Variants in BMP2 observed in about 807,000 individuals in gnomAD.
BMP2 encodes bone morphogenetic protein 2, also known as bone morphogenetic protein 2A.
A neutral mutation model predicts 28.8 loss-of-function variants in BMP2; 2 were observed. That is an observed-to-expected ratio of 0.07 (90% confidence interval 0.03 to 0.22). BMP2 has a LOEUF of 0.22. Ranked by LOEUF, BMP2 falls within the 10% of genes least tolerant of loss-of-function variation. The pLI, the probability that BMP2 is intolerant of heterozygous loss-of-function variation, is 1.00. For missense variants in BMP2, 437 were observed against 517.7 expected, an observed-to-expected ratio of 0.84 and a Z score of 1.51; for synonymous variants, 218 against 204.3, an observed-to-expected ratio of 1.07 and a Z score of -0.57.
intron 2 of BMP2, among the ~76,000 whole-genome samples, chr20:6,771,577 G>A (rs180976494): frequency 5.8e-4 from 88 of 152,300 alleles, no homozygotes; most frequent in African/African-American, 2.0e-3. Context: ...ATGGGAAATG[G>A]CACTTCCAGA....
chr20:6,779,110 A>AT lies in BMP2; in HGVS notation c.*21_*22insT. The AT allele has an allele frequency of 3.5e-6, 4 of 1,141,492 alleles. No individual in the cohort carries two copies. The highest frequency in any genetic ancestry group is 4.5e-6 in the Non-Finnish European group (4 of 886,588). 70.7% of individuals were successfully genotyped at this position (1,141,492 alleles called of 1,614,324 possible). On this transcript the variant is annotated 3_prime_UTR_variant, in exon 3 of 3. Transcript: ENST00000378827. ...GCTAGTACAGCAAAATTAAATACAT[A>AT]AATATATATATATATATATATTTTA...
In BMP2 at chr20:6,778,927, C is replaced by T. The variant is rs1305456703; in HGVS notation, c.1029C>T (p.Ala343=). The T allele has an allele frequency of 1.9e-6, 3 of 1,613,926 alleles. No individual in the cohort carries two copies. Among genetic ancestry groups the T allele is most frequent in the Non-Finnish European group, 2.5e-6 (3 of 1,179,998 alleles). ...ATCATCTGAACTCCACTAATCATGCCATTGTTCAGACGTTGGTCAACTCTG... is the reference window on the plus strand; with the variant it reads ...ATCATCTGAACTCCACTAATCATGCTATTGTTCAGACGTTGGTCAACTCTG... ...LADHLNSTNH[A]IVQTLVNSVN... The change falls in exon 3 of 3, where the codon GCC becomes GCT. Residue 343 remains alanine (A), a synonymous_variant. Transcript: ENST00000378827. The surrounding 1 kb of genome is among the most constrained non-coding windows in gnomAD (Gnocchi z 5.0).
intron 1 of BMP2, among the ~76,000 whole-genome samples, chr20:6,769,710 C>A (rs908676849): frequency 2.0e-5 from 3 of 150,140 alleles, no homozygotes; most frequent in Non-Finnish European, 3.0e-5. Flanking sequence ...TGTTTATATG[C>A]CAGACAGCGC....
chr20:6,770,894 G>A (rs953350605), intron 2 of BMP2, among the ~76,000 whole-genome samples: 1 of 152,198 alleles, frequency 6.6e-6, no homozygotes, highest in Admixed American at 6.5e-5. Context: ...TTAAGCCAGG[G>A]TTTTAGGGTA....
intron 2 of BMP2, among the ~76,000 whole-genome samples, chr20:6,774,932 C>T (rs779597801): frequency 1.1e-4 from 17 of 152,170 alleles, no homozygotes; most frequent in Non-Finnish European, 2.2e-4. Context: ...TAAATTAGGA[C>T]TTCACTTTTG....
Position 6,768,206 on chromosome 20 carries a change from G to C in BMP2, c.-677G>C. ...CTCGCCGGAGAATGCGCCCGAGGAC[G>C]ACGGGGCGCCAGAGCCGCGGTGCTT... On this transcript the variant is annotated 5_prime_UTR_variant, in exon 1 of 3. Coordinates refer to ENST00000378827, the MANE Select transcript of BMP2 (RefSeq NM_001200.4). 1 of 398,182 alleles carries C rather than the reference G, an allele frequency of 2.5e-6. No homozygotes were observed. Among genetic ancestry groups the C allele is most frequent in the Non-Finnish European group, 4.4e-6 (1 of 225,874 alleles). The allele number at this position is 398,182 out of a possible 1,614,324, so 24.7% of individuals were successfully genotyped here.
chr20:6,779,107 CATAA>C lies in BMP2; in HGVS notation c.*22_*25del. 8.4e-7 allele frequency: 1 copy of C among 1,193,820 alleles called. No individual in the cohort carries two copies. The highest frequency in any genetic ancestry group is 1.1e-6 in the Non-Finnish European group (1 of 913,986). 74.0% of individuals were successfully genotyped at this position (1,193,820 alleles called of 1,614,324 possible). On this transcript the variant is annotated 3_prime_UTR_variant, in exon 3 of 3. Transcript: ENST00000378827. ...GTCGCTAGTACAGCAAAATTAAATA[CATAA>C]ATATATATATATATATATATTTTAG...
chr20:6,769,164 T>A (rs946578333), intron 1 of BMP2, among the ~76,000 whole-genome samples: 5 of 152,216 alleles, frequency 3.3e-5, no homozygotes, highest in African/African-American at 7.2e-5. Flanking sequence ...TTATTTATTT[T>A]TAATTTTTTT....
chr20:6,778,385 A>C lies in BMP2; in HGVS notation c.487A>C (p.Asn163His), dbSNP rs1986544271. Residue 163 changes from asparagine to histidine, a missense_variant, in exon 3 of 3, where the codon AAC becomes CAC. Coordinates refer to ENST00000378827, the MANE Select transcript of BMP2 (RefSeq NM_001200.4). The surrounding 1 kb of genome is among the most constrained non-coding windows in gnomAD (Gnocchi z 5.0). ...FREQMQDALGNNSSFHHRINI... is the reference protein window; with the variant it reads ...FREQMQDALGHNSSFHHRINI... ...AGAACAGATGCAAGATGCTTTAGGA[A>C]ACAATAGCAGTTTCCATCACCGAAT... is the stretch of plus-strand genomic sequence containing the variant. 1 of 1,614,078 alleles carries C rather than the reference A, an allele frequency of 6.2e-7. No individual in the cohort carries two copies.
chr20:6,770,528 G>A (rs1986377400), intron 2 of BMP2, 56 bp downstream of exon 2: 3 of 1,496,986 alleles, frequency 2.0e-6, no homozygotes, highest in Non-Finnish European at 2.7e-6. Context: ...GCCCTCCACC[G>A]TGGGCAGACT....
chr20:6,778,807 G>T lies in BMP2; in HGVS notation c.909G>T (p.Val303=), dbSNP rs1285337702. 6.2e-7 allele frequency: 1 copy of T among 1,614,010 alleles called. No homozygotes were observed. The highest frequency in any genetic ancestry group is 1.3e-5 in the African/African-American group (1 of 74,910). Residue 303 remains valine (V), a synonymous_variant, in exon 3 of 3, where the codon GTG becomes GTT. Coordinates refer to ENST00000378827, the MANE Select transcript of BMP2 (RefSeq NM_001200.4). This position sits in a 1 kb window ranked among gnomAD's most constrained non-coding sequence, Gnocchi z 5.0. ...KSSCKRHPLY[V]DFSDVGWNDW... ...GCTGTAAGAGACACCCTTTGTACGT[G>T]GACTTCAGTGACGTGGGGTGGAATG...
chr20:6,777,270 G>T (rs917872957), intron 2 of BMP2, among the ~76,000 whole-genome samples: 8 of 152,072 alleles, frequency 5.3e-5, no homozygotes, highest in African/African-American at 1.9e-4. Flanking sequence ...AATGATAGTG[G>T]ATATAGAAGG....
At chr20:6,776,981 A>G (rs1423777241) in intron 2 of BMP2, among the ~76,000 whole-genome samples, 1 of 152,220 alleles carries the variant, frequency 6.6e-6, no homozygotes, top group African/African-American at 2.4e-5. Context: ...GCACTTGGGT[A>G]GGAATTCTGA....
At chr20:6,774,244 G>A (rs1037653781) in intron 2 of BMP2, among the ~76,000 whole-genome samples, 1 of 151,918 alleles carries the variant, frequency 6.6e-6, no homozygotes, top group Non-Finnish European at 1.5e-5. Flanking sequence ...TTTGGGAACT[G>A]GCTGGGCATG....
intron 2 of BMP2, among the ~76,000 whole-genome samples, chr20:6,770,711 ACTC>A (rs1357383165): frequency 2.0e-5 from 3 of 152,052 alleles, no homozygotes; most frequent in Non-Finnish European, 4.4e-5. Flanking sequence ...CAGAAGAGCT[ACTC>A]CTCCTGGAAG....
rs1213898222 is a variant in BMP2 at position 6,770,427 on chromosome 20, A to G, written c.301A>G (p.Arg101Gly). 5 of 1,609,896 alleles carry G rather than the reference A, an allele frequency of 3.1e-6. No individual in the cohort carries two copies. Among genetic ancestry groups the G allele is most frequent in the Admixed American group, 1.7e-5 (1 of 59,878 alleles). The change falls in exon 2 of 3, where the codon AGG becomes GGG. Residue 101 changes from arginine (R) to glycine (G), a missense_variant. This residue lies in a region of BMP2 where 363 missense variants were observed against 392.8 expected (regional missense o/e 0.92). Transcript: ENST00000378827. ...ACCCGCCCCAGACCACCGGTTGGAG[A>G]GGGCAGCCAGCCGAGCCAACACTGT... ...GSPAPDHRLE[R>G]AASRANTVRS...
At position 6,779,897 on chromosome 20, in the gene BMP2, G is replaced by A. The variant is rs1986590523; in HGVS notation, c.*808G>A. Reference sequence around the variant, plus strand: ...TTTGTTGTTCTTCTTTCCTAAATTAGTGATCCCTTCAAAGGGGCTGATCTG... The same window carrying A: ...TTTGTTGTTCTTCTTTCCTAAATTAATGATCCCTTCAAAGGGGCTGATCTG... On this transcript the variant is annotated 3_prime_UTR_variant, in exon 3 of 3. Transcript: ENST00000378827. 1 of 152,312 alleles carries A rather than the reference G, an allele frequency of 6.6e-6. No individual in the cohort carries two copies. The highest frequency in any genetic ancestry group is 2.4e-5 in the African/African-American group (1 of 41,450). The allele number at this position is 152,312 out of a possible 1,614,324, so 9.4% of individuals were successfully genotyped here.
At chr20:6,770,817 G>A (rs544690911) in intron 2 of BMP2, among the ~76,000 whole-genome samples, 2 of 152,248 alleles carry the variant, frequency 1.3e-5, no homozygotes, top group Non-Finnish European at 2.9e-5. Flanking sequence ...GGGAAAAGGA[G>A]AAAAAGGGAG....
chr20:6,773,351 C>T (rs1986437235), intron 2 of BMP2, among the ~76,000 whole-genome samples: 2 of 152,178 alleles, frequency 1.3e-5, no homozygotes, highest in South Asian at 2.1e-4. Flanking sequence ...TCCCTAGTGG[C>T]CCCAGGTATT....
Sources: allele counts gnomAD v4.1 joint callset (sites outside exome capture counted in the v4.1 genomes callset), GRCh38; gene constraint gnomAD v4.1.1; regional missense constraint gnomAD v4.1.1; non-coding constraint Gnocchi (gnomAD v3.1); transcripts MANE v1.5; gene names NCBI Gene and HGNC (gene_info 2026-07-23, HGNC 2026-07-21).